PPARGC1A: variants seen among roughly 807,000 people sequenced by gnomAD.
PPARGC1A encodes PPARG coactivator 1 alpha.
Under a neutral mutation model 88.7 loss-of-function variants are expected in PPARGC1A, and 25 were observed. That is an observed-to-expected ratio of 0.28 (90% confidence interval 0.21 to 0.39). PPARGC1A has a LOEUF of 0.39. Ranked by LOEUF, PPARGC1A falls within the 10% of genes least tolerant of loss-of-function variation. The probability of loss-of-function intolerance (pLI) is 1.00; values close to 1 mark genes in which losing one functional copy is unlikely to be tolerated. For synonymous variants in PPARGC1A, 363 were observed against 355.6 expected (o/e 1.02, Z -0.24); for missense variants, 880 against 968.7 (o/e 0.91, Z 1.22).
chr4:23,957,142 A>T, the PPARGC1A span, among the ~76,000 whole-genome samples: 3 of 152,178 alleles, frequency 2.0e-5, no homozygotes, highest in Admixed American at 6.6e-5. Context: ...ATTTCCTGCC[A>T]CCCAGCCTAT....
chr4:24,264,736 A>G, the PPARGC1A span, among the ~76,000 whole-genome samples: 3,494 of 152,332 alleles, frequency 0.023, 139 homozygotes, highest in African/African-American at 0.079. Context: ...CCAGGAATAA[A>G]AAGCGCAACA....
chr4:24,198,264 T>A, the PPARGC1A span, among the ~76,000 whole-genome samples: 1 of 152,236 alleles, frequency 6.6e-6, no homozygotes, highest in Non-Finnish European at 1.5e-5. Flanking sequence ...GTTTCAAGCA[T>A]AATATGCATG....
At chr4:23,905,524 CCTTCTCTG>C (rs1719931958), upstream of PPARGC1A, among the ~76,000 whole-genome samples, 1 of 152,172 alleles carries the variant, frequency 6.6e-6, no homozygotes, top group African/African-American at 2.4e-5. Flanking sequence ...ACAAATGCAG[CCTTCTCTG>C]CTTCTCTAAG....
chr4:24,049,369 G>A, the PPARGC1A span, among the ~76,000 whole-genome samples: 1 of 148,032 alleles, frequency 6.8e-6, no homozygotes, highest in African/African-American at 2.5e-5. Context: ...GGGAAGTAGA[G>A]AACCTGAGAA....
intron 7 of PPARGC1A, among the ~76,000 whole-genome samples, chr4:23,816,503 C>T (rs187321242): frequency 6.6e-5 from 10 of 152,078 alleles, no homozygotes; most frequent in Non-Finnish European, 1.2e-4. Context: ...ATTTCTTCTA[C>T]ATGCTACCTT....
the PPARGC1A span, among the ~76,000 whole-genome samples, chr4:24,334,881 G>A: frequency 1.3e-5 from 2 of 152,316 alleles, no homozygotes; most frequent in East Asian, 3.9e-4. Flanking sequence ...AGAGGATTCA[G>A]TGTATTTTGA....
intron 2 of PPARGC1A, among the ~76,000 whole-genome samples, chr4:23,867,859 C>T (rs1712360350): frequency 6.6e-6 from 1 of 152,186 alleles, no homozygotes. Context: ...AAACTGTTTT[C>T]ATTACAATCG....
the PPARGC1A span, among the ~76,000 whole-genome samples, chr4:24,328,866 G>T: frequency 6.6e-6 from 1 of 152,194 alleles, no homozygotes; most frequent in Non-Finnish European, 1.5e-5. Context: ...GTTAGTGCAG[G>T]TGGCTTTCAC....
chr4:23,978,499 A>T, the PPARGC1A span, among the ~76,000 whole-genome samples: 1 of 152,154 alleles, frequency 6.6e-6, no homozygotes, highest in Non-Finnish European at 1.5e-5. Context: ...TCTGATATGG[A>T]TCCATCTTGC....
At chr4:24,341,335 T>C in the PPARGC1A span, among the ~76,000 whole-genome samples, 6 of 152,142 alleles carry the variant, frequency 3.9e-5, no homozygotes, top group Middle Eastern at 6.8e-3. Flanking sequence ...TCAGTGCTTG[T>C]AAAATGAAAA....
the PPARGC1A span, among the ~76,000 whole-genome samples, chr4:24,262,794 T>C: frequency 5.9e-5 from 9 of 152,268 alleles, no homozygotes; most frequent in African/African-American, 1.9e-4. Context: ...ACTTGGGATT[T>C]CTACAGAAGA....
upstream of PPARGC1A, among the ~76,000 whole-genome samples, chr4:23,894,037 G>A (rs1459954779): frequency 6.6e-6 from 1 of 152,114 alleles, no homozygotes; most frequent in East Asian, 1.9e-4. Flanking sequence ...GAAAGAGCAT[G>A]CAAATCGCTG....
chr4:24,448,573 G>A, the PPARGC1A span, among the ~76,000 whole-genome samples: 32 of 152,308 alleles, frequency 2.1e-4, no homozygotes, highest in Admixed American at 3.9e-4. Context: ...CCCACAGTAT[G>A]GAGGGACCTG....
the PPARGC1A span, among the ~76,000 whole-genome samples, chr4:24,287,663 CACAA>C: frequency 2.0e-5 from 3 of 150,488 alleles, no homozygotes; most frequent in Non-Finnish European, 3.0e-5. Flanking sequence ...CACACACACA[CACAA>C]CTGCACTCAT....
chr4:24,472,659 G>A, the PPARGC1A span, among the ~76,000 whole-genome samples: 1 of 151,652 alleles, frequency 6.6e-6, no homozygotes, highest in Non-Finnish European at 1.5e-5. The surrounding 1 kb of genome is among the most constrained non-coding windows in gnomAD (Gnocchi z 4.5). Context: ...AGGGATGCTC[G>A]GGCTGCCGCC....
At chr4:23,997,315 T>C in the PPARGC1A span, among the ~76,000 whole-genome samples, 1 of 151,944 alleles carries the variant, frequency 6.6e-6, no homozygotes, top group Admixed American at 6.6e-5. Flanking sequence ...TAAAAGTAAA[T>C]CATGCATTGA....
chr4:23,895,656 T>C (rs1024559914), intron 1 of PPARGC1A, among the ~76,000 whole-genome samples: 2 of 152,078 alleles, frequency 1.3e-5, no homozygotes, highest in African/African-American at 4.8e-5. Context: ...CCTCTACATT[T>C]AGCAGCTCAA....
chr4:23,807,970 T>C (rs996262020), intron 10 of PPARGC1A, among the ~76,000 whole-genome samples: 1 of 152,140 alleles, frequency 6.6e-6, no homozygotes, highest in East Asian at 1.9e-4. Context: ...CATAGAAAGC[T>C]ATTTCATTTT....
At chr4:24,273,691 G>C in the PPARGC1A span, among the ~76,000 whole-genome samples, 25 of 150,706 alleles carry the variant, frequency 1.7e-4, no homozygotes, top group South Asian at 4.2e-4. Context: ...TTGTATGGAC[G>C]AGACTCTAAA....
Sources: gnomAD v4.1 joint callset for allele counts (sites outside exome capture counted in the v4.1 genomes callset) on GRCh38, gnomAD v4.1.1 for gene constraint, Gnocchi (gnomAD v3.1) non-coding constraint, MANE v1.5 for transcripts, NCBI Gene and HGNC (gene_info 2026-07-23, HGNC 2026-07-21) for gene names.